The following PDE4D variants were observed in gnomAD, a reference collection of about 807,000 sequenced individuals.
PDE4D encodes phosphodiesterase 4D.
A neutral mutation model predicts 87.4 loss-of-function variants in PDE4D; 24 were observed. The ratio of observed to expected loss-of-function variants is 0.27; its 90% CI spans 0.20 to 0.39. The LOEUF is 0.39. Ranked by LOEUF, PDE4D falls within the 10% of genes least tolerant of loss-of-function variation. PDE4D has a pLI of 1.00. For missense variants in PDE4D, 714 were observed against 1,041.0 expected, an observed-to-expected ratio of 0.69 and a Z score of 4.32; for synonymous variants, 384 against 383.2, an observed-to-expected ratio of 1.00 and a Z score of -0.02.
chr5:59,403,174 C>T (rs62357473), intron 1 of PDE4D, among the ~76,000 whole-genome samples: 25,094 of 90,236 alleles, frequency 0.28, 2,895 homozygotes, highest in African/African-American at 0.47. Flanking sequence ...GACAGACAGA[C>T]AGATAGATAG....
At chr5:59,553,169 T>C (rs1818391563) in intron 1 of PDE4D, among the ~76,000 whole-genome samples, 6 of 152,142 alleles carry the variant, frequency 3.9e-5, no homozygotes, top group Admixed American at 3.9e-4. Context: ...TTAATCAGGA[T>C]TGTCTCTCTC....
At chr5:60,145,070 A>T (rs567676713) in intron 2 of PDE4D, among the ~76,000 whole-genome samples, 5 of 152,250 alleles carry the variant, frequency 3.3e-5, no homozygotes, top group African/African-American at 7.2e-5. Flanking sequence ...TTCTCACCTA[A>T]CTTTATCTTA....
chr5:59,262,419 A>T (rs1295936740), intron 1 of PDE4D, among the ~76,000 whole-genome samples: 2 of 151,968 alleles, frequency 1.3e-5, no homozygotes, highest in African/African-American at 2.4e-5. Context: ...CTCATTATTA[A>T]GGATTAAGCC....
chr5:58,975,874 G>A lies in PDE4D; in HGVS notation c.1831-35C>T, dbSNP rs763702317. ...ATGGATGCATTCTCTATTCACTCCTGTTCCTTTTTTTTAAAAAAAAAAACA... is the reference window on the plus strand; with the variant it reads ...ATGGATGCATTCTCTATTCACTCCTATTCCTTTTTTTTAAAAAAAAAAACA... On this transcript the variant is annotated intron_variant, in intron 13 of 14. Transcript: ENST00000340635. The surrounding 1 kb of genome is among the most constrained non-coding windows in gnomAD (Gnocchi z 4.2). 2 of 1,280,694 alleles carry A rather than the reference G, an allele frequency of 1.6e-6. No homozygotes were observed. The highest frequency in any genetic ancestry group is 3.4e-5 in the Admixed American group (1 of 29,424). The allele number at this position is 1,280,694 out of a possible 1,614,324, so 79.3% of individuals were successfully genotyped here. A position where few individuals can be genotyped will look rare whatever the true frequency, so the allele number is the denominator to read the frequency against.
At chr5:59,150,954 C>G (rs1462580400) in intron 5 of PDE4D, among the ~76,000 whole-genome samples, 5 of 152,106 alleles carry the variant, frequency 3.3e-5, no homozygotes, top group Admixed American at 2.6e-4. Context: ...AAAACAAAAA[C>G]CAGACCAGAT....
rs534663498 is a variant in PDE4D, at chr5:59,023,569, T to C, written c.921+15290A>G. 2.8e-3 allele frequency among the ~76,000 whole-genome samples: 428 copies of C among 152,222 alleles called. 1 individual carries two copies. Among genetic ancestry groups the C allele is most frequent in the African/African-American group, 9.6e-3 (399 of 41,542 alleles). On this transcript the variant is annotated intron_variant, in intron 6 of 14. Transcript: ENST00000340635. The stretch of plus-strand genomic sequence containing the variant: ...CACTCAGGAGGCTGAGGTGGGAGGA[T>C]GGCTTGAGCCAGGGAGATCAAGGCT...
chr5:60,407,750 GCCC>G (rs1741680680), intron 1 of PDE4D, among the ~76,000 whole-genome samples: 1 of 151,824 alleles, frequency 6.6e-6, no homozygotes, highest in Non-Finnish European at 1.5e-5. Context: ...ACCACGCTTG[GCCC>G]CTTATATTAC....
chr5:59,825,940 A>C (rs1011113934), intron 1 of PDE4D, among the ~76,000 whole-genome samples: 2 of 152,156 alleles, frequency 1.3e-5, no homozygotes, highest in African/African-American at 4.8e-5. Flanking sequence ...TGGTGATGGG[A>C]ATAAGAAATG....
intron 1 of PDE4D, among the ~76,000 whole-genome samples, chr5:59,706,057 T>C (rs1398074575): frequency 2.0e-5 from 3 of 152,152 alleles, no homozygotes; most frequent in Non-Finnish European, 4.4e-5. Flanking sequence ...CCTTGACCAC[T>C]AGTACTCTTT....
intron 1 of PDE4D, among the ~76,000 whole-genome samples, chr5:60,314,292 G>T (rs564702835): frequency 2.0e-5 from 3 of 151,500 alleles, no homozygotes; most frequent in Admixed American, 6.6e-5. Context: ...TCAGCCTCCC[G>T]AGTAGCTGGG....
intron 1 of PDE4D, among the ~76,000 whole-genome samples, chr5:59,415,342 GA>G (rs1332084983): frequency 6.6e-6 from 1 of 152,170 alleles, no homozygotes; most frequent in Non-Finnish European, 1.5e-5. Flanking sequence ...CATAAAAAGA[GA>G]AAAAACTTGC....
chr5:60,207,419 C>T (rs555754332), intron 1 of PDE4D, among the ~76,000 whole-genome samples: 29 of 152,258 alleles, frequency 1.9e-4, no homozygotes, highest in Non-Finnish European at 2.9e-4. Context: ...TACTTTAAGA[C>T]GAATATTCAG....
At chr5:60,420,509 G>A (rs1389997522) in intron 1 of PDE4D, among the ~76,000 whole-genome samples, 2 of 152,148 alleles carry the variant, frequency 1.3e-5, no homozygotes, top group Non-Finnish European at 2.9e-5. Context: ...CAATCCAGAG[G>A]CATGATAACA....
chr5:59,652,538 C>A (rs766215926), intron 1 of PDE4D, among the ~76,000 whole-genome samples: 6 of 152,174 alleles, frequency 3.9e-5, no homozygotes, highest in Admixed American at 2.0e-4. Context: ...ATATACGAAA[C>A]TTTCACAGCT....
At chr5:60,217,155 C>T (rs778292860) in intron 1 of PDE4D, among the ~76,000 whole-genome samples, 2 of 151,950 alleles carry the variant, frequency 1.3e-5, no homozygotes, top group Non-Finnish European at 2.9e-5. Flanking sequence ...ACCAAGTGCA[C>T]AGAAGACAAA....
intron 1 of PDE4D, among the ~76,000 whole-genome samples, chr5:59,332,300 A>G (rs979429180): frequency 6.6e-6 from 1 of 152,148 alleles, no homozygotes; most frequent in Non-Finnish European, 1.5e-5. Flanking sequence ...ATATGTATGT[A>G]TATACTTTAT....
intron 1 of PDE4D, among the ~76,000 whole-genome samples, chr5:59,389,667 A>C (rs764125573): frequency 1.3e-5 from 2 of 152,150 alleles, no homozygotes; most frequent in Non-Finnish European, 2.9e-5. Flanking sequence ...TTGCAGCACT[A>C]TTCACAATAG....
intron 1 of PDE4D, among the ~76,000 whole-genome samples, chr5:59,518,379 G>A (rs1811559126): frequency 6.6e-6 from 1 of 151,964 alleles, no homozygotes; most frequent in African/African-American, 2.4e-5. Flanking sequence ...GTCTTATTGT[G>A]TAGCTGAGTC....
chr5:59,491,147 G>A (rs966051361), intron 1 of PDE4D, among the ~76,000 whole-genome samples: 12 of 152,152 alleles, frequency 7.9e-5, no homozygotes, highest in Admixed American at 5.2e-4. Flanking sequence ...AGATGATTAT[G>A]TATGTGATTT....
Sources: gnomAD v4.1 joint callset for allele counts (sites outside exome capture counted in the v4.1 genomes callset) on GRCh38, gnomAD v4.1.1 for gene constraint, Gnocchi (gnomAD v3.1) non-coding constraint, MANE v1.5 for transcripts, NCBI Gene and HGNC (gene_info 2026-07-23, HGNC 2026-07-21) for gene names.